CSMD2: variants seen among roughly 807,000 people sequenced by gnomAD.
The protein encoded by CSMD2 is CUB and sushi domain-containing protein 2.
CSMD2 carries 130 observed loss-of-function variants against 398.5 expected under a neutral mutation model. The observed-to-expected ratio is 0.33, with a 90% CI of 0.28 to 0.38. The LOEUF (loss-of-function observed/expected upper bound fraction) is 0.38, where lower values mean the gene tolerates loss of function less well. Among genes scored for constraint, CSMD2 ranks in the 10% least tolerant of loss-of-function variants. CSMD2 has a pLI of 1.00. For missense variants in CSMD2, 3,829 were observed against 4,764.9 expected (o/e 0.80, Z 5.78); for synonymous variants, 1,828 against 1,908.5 (o/e 0.96, Z 1.10).
chr1:34,052,436 A>G (rs1457972124), intron 2 of CSMD2, among the ~76,000 whole-genome samples: 2 of 142,412 alleles, frequency 1.4e-5, no homozygotes, highest in Non-Finnish European at 3.0e-5. Flanking sequence ...GGACTTAAGC[A>G]TCTGCAGATT....
intron 22 of CSMD2, among the ~76,000 whole-genome samples, chr1:33,702,581 A>AT (rs1225688372): frequency 6.6e-6 from 1 of 152,140 alleles, no homozygotes; most frequent in African/African-American, 2.4e-5. Flanking sequence ...TGTTTTTATA[A>AT]TTTTTTATAA....
At chr1:33,811,629 T>A (rs1656881333) in intron 9 of CSMD2, among the ~76,000 whole-genome samples, 1 of 152,200 alleles carries the variant, frequency 6.6e-6, no homozygotes, top group Non-Finnish European at 1.5e-5. Flanking sequence ...TCTACTCAAG[T>A]AGATATAAAG....
Position 33,601,003 on chromosome 1 carries a change from G to A in CSMD2, c.6718C>T (p.Pro2240Ser), listed in dbSNP as rs1222540064. Residue 2240 changes from proline (P) to serine (S), a missense_variant, in exon 44 of 71, where the codon CCA becomes TCA. Around this residue, in one of 5 missense-constraint regions of CSMD2, gnomAD observed 723 missense variants for 758.6 expected, o/e 0.95. Coordinates refer to ENST00000373381, the MANE Select transcript of CSMD2 (RefSeq NM_001281956.2). ...CCGAGCCGTGGTGCTGTTTGCTGTG[G>A]CCCATCCCTGTACACAGGAAACAAG... ...SGDFITIWDGPQQTAPRLGVF... is the reference protein window; with the variant it reads ...SGDFITIWDGSQQTAPRLGVF... 1 of 1,614,160 alleles carries A rather than the reference G, an allele frequency of 6.2e-7. No individual in the cohort carries two copies. The highest frequency in any genetic ancestry group is 1.3e-5 in the African/African-American group (1 of 75,024).
intron 25 of CSMD2, among the ~76,000 whole-genome samples, chr1:33,677,300 G>A (rs1348212902): frequency 1.4e-4 from 22 of 152,094 alleles, no homozygotes; most frequent in African/African-American, 3.4e-4. Context: ...AGTGGGCAAC[G>A]GATATGAACA....
At chr1:33,912,554 G>A (rs1570480662) in intron 5 of CSMD2, among the ~76,000 whole-genome samples, 1 of 152,226 alleles carries the variant, frequency 6.6e-6, no homozygotes, top group East Asian at 1.9e-4. Context: ...GAGGAAAGAA[G>A]GAGAGAAGAA....
At chr1:33,547,888 G>C (rs182554781) in intron 56 of CSMD2, among the ~76,000 whole-genome samples, 2 of 152,330 alleles carry the variant, frequency 1.3e-5, no homozygotes, top group East Asian at 3.9e-4. Context: ...GTTTGGCTCT[G>C]TGTCCCCATT....
At chr1:33,868,122 T>A (rs1236239144) in intron 5 of CSMD2, among the ~76,000 whole-genome samples, 1 of 151,962 alleles carries the variant, frequency 6.6e-6, no homozygotes, top group East Asian at 1.9e-4. Flanking sequence ...GGACCTAAGA[T>A]AATGGGTGAG....
At chr1:34,099,330 T>C (rs1177859661) in intron 1 of CSMD2, among the ~76,000 whole-genome samples, 1 of 152,122 alleles carries the variant, frequency 6.6e-6, no homozygotes, top group East Asian at 1.9e-4. Flanking sequence ...AACAAGTAAA[T>C]CAAAATATGT....
At chr1:33,516,975 T>C (rs1349766396) in intron 70 of CSMD2, among the ~76,000 whole-genome samples, 1 of 152,184 alleles carries the variant, frequency 6.6e-6, no homozygotes, top group Non-Finnish European at 1.5e-5. Context: ...TATTCATTTT[T>C]GTAGTGACAC....
At chr1:33,726,467 A>G (rs1469198514) in intron 16 of CSMD2, 80 bp downstream of exon 16, 2 of 1,485,170 alleles carry the variant, frequency 1.3e-6, no homozygotes, top group African/African-American at 2.8e-5. Flanking sequence ...CTGGTCCCCT[A>G]TCCACCCTGC....
intron 9 of CSMD2, chr1:33,815,318 T>C (rs568943685): frequency 6.6e-6 from 1 of 152,308 alleles, no homozygotes; most frequent in Admixed American, 6.5e-5. Context: ...CAGTGACGCT[T>C]TTTGGCTTTT....
chr1:33,753,705 G>A (rs1273866866), intron 13 of CSMD2, among the ~76,000 whole-genome samples: 5 of 152,244 alleles, frequency 3.3e-5, no homozygotes, highest in Admixed American at 1.3e-4. Flanking sequence ...GCAGCCACAA[G>A]GACTGCACTC....
At chr1:34,165,665 C>T, upstream of CSMD2, 1 of 1,314,002 alleles carries the variant, frequency 7.6e-7, no homozygotes. Flanking sequence ...TACACGCACA[C>T]CTCTTCCACG....
chr1:33,837,480 C>T (rs1405783039), intron 6 of CSMD2, among the ~76,000 whole-genome samples: 1 of 136,996 alleles, frequency 7.3e-6, no homozygotes, highest in African/African-American at 2.8e-5. Context: ...ACTATCAATG[C>T]AGTGGAGGTA....
At chr1:33,913,606 C>T (rs2125271295) in intron 5 of CSMD2, among the ~76,000 whole-genome samples, 1 of 152,278 alleles carries the variant, frequency 6.6e-6, no homozygotes, top group Admixed American at 6.5e-5. Flanking sequence ...TGGAAACAGG[C>T]TCAGAAAAGC....
rs1642527873 is a variant in CSMD2 at position 33,898,347 on chromosome 1, G to C, written c.920+19747C>G. ...GATGAAGACATAGCTGACAATGAAA[G>C]AGTGAATTGTTTTAGACAAAAACAC... On this transcript the variant is annotated intron_variant, in intron 5 of 70. Transcript: ENST00000373381. Among the ~76,000 whole-genome samples the C allele has an allele frequency of 2.6e-5, 4 of 152,154 alleles. No individual in the cohort carries two copies. In the South Asian group the frequency reaches 8.3e-4, roughly 32 times the overall value.
chr1:34,080,967 A>AAAGAAAGG (rs1657023035), intron 2 of CSMD2, among the ~76,000 whole-genome samples: 1 of 137,894 alleles, frequency 7.3e-6, no homozygotes, highest in Admixed American at 7.0e-5. Context: ...AGAAAGAAAG[A>AAAGAAAGG]AAGAAAGAAA....
At chr1:33,745,048 C>G (rs766585523) in intron 13 of CSMD2, among the ~76,000 whole-genome samples, 14 of 152,116 alleles carry the variant, frequency 9.2e-5, no homozygotes, top group Non-Finnish European at 1.9e-4. Context: ...TGTGAACAAA[C>G]TATATGTCAG....
Position 33,763,089 on chromosome 1 carries a change from T to A in CSMD2, c.1846+9480A>T, listed in dbSNP as rs11801212. On this transcript the variant is annotated intron_variant, in intron 13 of 70. Transcript: ENST00000373381. ...AGCAACAGCATATGAACACAACGTA[T>A]CACCACATGTATCACAACCCCATGT... is the stretch of plus-strand genomic sequence containing the variant. 4.6e-3 allele frequency among the ~76,000 whole-genome samples: 696 copies of A among 152,200 alleles called. 4 individuals are homozygous for A. Among genetic ancestry groups the A allele is most frequent in the African/African-American group, 0.016 (648 of 41,512 alleles).
Sources: allele counts gnomAD v4.1 joint callset (sites outside exome capture counted in the v4.1 genomes callset), GRCh38; gene constraint gnomAD v4.1.1; regional missense constraint gnomAD v4.1.1; transcripts MANE v1.5; gene names NCBI Gene and HGNC (gene_info 2026-07-23, HGNC 2026-07-21).